HOXC6: variants seen among roughly 807,000 people sequenced by gnomAD.
HOXC6 encodes homeobox protein Hox-C6.
HOXC6 carries 10 observed loss-of-function variants against 24.0 expected under a neutral mutation model. The observed-to-expected ratio is 0.42, with a 90% confidence interval of 0.26 to 0.71. The LOEUF (loss-of-function observed/expected upper bound fraction) is 0.71. Ranked by LOEUF, HOXC6 falls within the 30% of genes least tolerant of loss-of-function variation. The probability of loss-of-function intolerance (pLI) is 0.28; values close to 1 mark genes in which losing one functional copy is unlikely to be tolerated. For synonymous variants in HOXC6, 123 were observed against 128.1 expected (o/e 0.96, Z 0.27); for missense variants, 258 against 303.4 (o/e 0.85, Z 1.11).
chr12:54,022,555 T>C (rs113899846), intron 1 of HOXC6: 6 of 152,156 alleles, frequency 3.9e-5, no homozygotes, highest in African/African-American at 1.4e-4. Context: ...AATGGTTCTT[T>C]CAGATCTGCA....
chr12:54,028,127 A>C (rs1161451479), upstream of HOXC6, among the ~76,000 whole-genome samples: 2 of 152,150 alleles, frequency 1.3e-5, no homozygotes, highest in Non-Finnish European at 2.9e-5. Context: ...CTCTGGCCAC[A>C]GCACAGCAAA....
intron 1 of HOXC6, among the ~76,000 whole-genome samples, chr12:54,022,797 C>A (rs1940508961): frequency 6.6e-6 from 1 of 152,090 alleles, no homozygotes; most frequent in Admixed American, 6.5e-5. Flanking sequence ...ACTGTGATGT[C>A]ATAATACCGA....
intron 1 of HOXC6, among the ~76,000 whole-genome samples, chr12:54,019,512 A>G (rs542652053): frequency 1.3e-5 from 2 of 151,966 alleles, no homozygotes; most frequent in African/African-American, 2.4e-5. Context: ...TGAGGCCTCT[A>G]TTTCTCTCTT....
In HOXC6 at chr12:54,028,895, G is replaced by A; in HGVS notation, c.374G>A (p.Trp125Ter). 1 of 1,611,902 alleles carries A rather than the reference G, an allele frequency of 6.2e-7. No individual in the cohort carries two copies. Among genetic ancestry groups the A allele is most frequent in the Non-Finnish European group, 8.5e-7 (1 of 1,179,824 alleles). Residue 125 changes from tryptophan to a stop codon, truncating the protein, a stop_gained, in exon 1 of 2, where the codon TGG becomes TAG. Coordinates refer to ENST00000243108, the MANE Select transcript of HOXC6 (RefSeq NM_004503.4). LOFTEE classifies it high-confidence loss of function. ...DQKASIQIYP[W>*]MQRMNSHSGV... Reference sequence around the variant, plus strand: ...AAAGCCAGTATCCAGATTTACCCCTGGATGCAGCGAATGAATTCGCACAGT... The same window carrying A: ...AAAGCCAGTATCCAGATTTACCCCTAGATGCAGCGAATGAATTCGCACAGT...
chr12:54,029,942 G>A lies in HOXC6; in HGVS notation c.688G>A (p.Glu230Lys), dbSNP rs746073698. Residue 230 changes from glutamate to lysine, a missense_variant, in exon 2 of 2, where the codon GAG becomes AAG. Physicochemically the swap from Glu to Lys is moderately conservative, Grantham distance 56. Coordinates refer to ENST00000243108, the MANE Select transcript of HOXC6 (RefSeq NM_004503.4). Reference sequence around the variant, plus strand: ...AGAGGAAAAGCGGGAAGAGACAGAAGAGGAGAAGCAGAAAGAGTGACCAGG... The same window carrying A: ...AGAGGAAAAGCGGGAAGAGACAGAAAAGGAGAAGCAGAAAGAGTGACCAGG... ...GKEEKREETE[E>K]EKQKE is the part of the protein sequence containing the mutation. 2 of 1,588,856 alleles carry A rather than the reference G, an allele frequency of 1.3e-6. No individual in the cohort carries two copies. Among genetic ancestry groups the A allele is most frequent in the Non-Finnish European group, 1.7e-6 (2 of 1,166,610 alleles).
rs1565741324 is a variant in HOXC6, at chr12:54,028,712, G to T, written c.191G>T (p.Ser64Ile). The part of the protein sequence containing the change: ...FYSPQENVVF[S>I]SSRGPYDYGS... ...TCGCCACAGGAGAATGTCGTGTTCAGTTCCAGCCGGGGGCCGTATGACTAT... is the reference window on the plus strand; with the variant it reads ...TCGCCACAGGAGAATGTCGTGTTCATTTCCAGCCGGGGGCCGTATGACTAT... Residue 64 changes from serine (S) to isoleucine (I), a missense_variant, in exon 1 of 2, where the codon AGT becomes ATT. Ser to Ile is a moderately radical substitution (Grantham distance 142). Coordinates refer to ENST00000243108, the MANE Select transcript of HOXC6 (RefSeq NM_004503.4). The T allele has an allele frequency of 1.2e-5, 20 of 1,613,954 alleles. No individual in the cohort carries two copies. Among genetic ancestry groups the T allele is most frequent in the Non-Finnish European group, 1.6e-5 (19 of 1,180,022 alleles).
At chr12:54,025,633 GC>G (rs1183266573), upstream of HOXC6, among the ~76,000 whole-genome samples, 1 of 151,434 alleles carries the variant, frequency 6.6e-6, no homozygotes, top group Non-Finnish European at 1.5e-5. Context: ...CAGCATTTCT[GC>G]CTTTTTCACC....
chr12:54,018,720 C>T (rs1191355392), intron 1 of HOXC6, among the ~76,000 whole-genome samples: 1 of 151,872 alleles, frequency 6.6e-6, no homozygotes, highest in African/African-American at 2.4e-5. Context: ...CGGCGACGCA[C>T]ACGCAAACGC....
upstream of HOXC6, among the ~76,000 whole-genome samples, chr12:54,026,445 T>A (rs1469969002): frequency 1.3e-5 from 2 of 152,254 alleles, no homozygotes; most frequent in African/African-American, 4.8e-5. Flanking sequence ...ACCCCAAAAA[T>A]GAGATAACTC....
upstream of HOXC6, among the ~76,000 whole-genome samples, chr12:54,024,383 G>A (rs1940594092): frequency 6.6e-6 from 1 of 151,272 alleles, no homozygotes; most frequent in Admixed American, 6.5e-5. Context: ...TGTAGTTGCA[G>A]CGCGGCAGTC....
In HOXC6 at chr12:54,030,022, C is replaced by G. The variant is rs1435201580; in HGVS notation, c.*60C>G. The G allele has an allele frequency of 2.2e-6, 3 of 1,375,526 alleles. No homozygotes were observed. Among genetic ancestry groups the G allele is most frequent in the Middle Eastern group, 1.8e-4 (1 of 5,406 alleles). The allele number at this position is 1,375,526 out of a possible 1,614,324, so 85.2% of individuals were successfully genotyped here. ...TCCCTCGCTCCCCACCAACTCTCCC[C>G]TAATCACACACTCTGTATTTATCAC... On this transcript the variant is annotated 3_prime_UTR_variant, in exon 2 of 2. Coordinates refer to ENST00000243108, the MANE Select transcript of HOXC6 (RefSeq NM_004503.4).
chr12:54,026,280 G>A (rs2136430877), upstream of HOXC6, among the ~76,000 whole-genome samples: 1 of 152,200 alleles, frequency 6.6e-6, no homozygotes. Context: ...CTCCTGCCTT[G>A]TTGTCTCTCC....
intron 1 of HOXC6, chr12:54,022,501 T>C (rs1405455337): frequency 6.6e-6 from 1 of 152,170 alleles, no homozygotes; most frequent in African/African-American, 2.4e-5. Flanking sequence ...AAATTAATTT[T>C]CCCCTCCCAG....
chr12:54,018,710 C>T (rs949885757), intron 1 of HOXC6, among the ~76,000 whole-genome samples: 1 of 151,914 alleles, frequency 6.6e-6, no homozygotes. Flanking sequence ...TGTTTATAAA[C>T]GGCGACGCAC....
At chr12:54,024,689 G>A (rs1039426967), upstream of HOXC6, among the ~76,000 whole-genome samples, 5 of 151,350 alleles carry the variant, frequency 3.3e-5, no homozygotes, top group African/African-American at 7.3e-5. Flanking sequence ...CCAGTTCAGA[G>A]CTCACATGCC....
chr12:54,029,039 T>G, intron 1 of HOXC6, 118 bp downstream of exon 1: 2 of 980,782 alleles, frequency 2.0e-6, no homozygotes, highest in Non-Finnish European at 1.5e-6. Flanking sequence ...ATCACGCTCG[T>G]CTCCTCACCG....
intron 1 of HOXC6, among the ~76,000 whole-genome samples, 153 bp downstream of exon 1, chr12:54,029,074 C>G (rs1940864459): frequency 6.6e-6 from 1 of 152,064 alleles, no homozygotes; most frequent in Non-Finnish European, 1.5e-5. Context: ...CTTCTGCCCC[C>G]TCAGCTCGCC....
chr12:54,029,366 C>A (rs959193683), intron 1 of HOXC6, among the ~76,000 whole-genome samples: 11 of 150,768 alleles, frequency 7.3e-5, no homozygotes, highest in African/African-American at 2.2e-4. Flanking sequence ...CAAAAATCTG[C>A]TTTTAGACTT....
At chr12:54,020,417 G>GCTA (rs1940382639) in intron 1 of HOXC6, 1 of 152,208 alleles carries the variant, frequency 6.6e-6, no homozygotes, top group African/African-American at 2.4e-5. Flanking sequence ...GGAGAATTGG[G>GCTA]CAGAGCAAAC....
Sources: gnomAD v4.1 joint callset for allele counts (sites outside exome capture counted in the v4.1 genomes callset) on GRCh38, gnomAD v4.1.1 for gene constraint, MANE v1.5 for transcripts, NCBI Gene and HGNC (gene_info 2026-07-23, HGNC 2026-07-21) for gene names.